VEPH1: variants seen among roughly 807,000 people sequenced by gnomAD.
The protein encoded by VEPH1 is ventricular zone-expressed PH domain-containing protein homolog 1.
In VEPH1, 80 loss-of-function variants were observed where a neutral mutation model predicts 85.2. That is an observed-to-expected ratio of 0.94 (90% confidence interval 0.78 to 1.13). VEPH1 has a LOEUF of 1.13. Among genes scored for constraint, VEPH1 ranks in the 50% most tolerant of loss-of-function variants. The pLI is 0.00. For synonymous variants in VEPH1, 297 were observed against 348.0 expected (o/e 0.85, Z 1.63); for missense variants, 955 against 980.5 (o/e 0.97, Z 0.35).
At chr3:157,459,866 A>G in intron 4 of VEPH1, 1 of 1,537,068 alleles carries the variant, frequency 6.5e-7, no homozygotes, top group Non-Finnish European at 8.7e-7. Flanking sequence ...ACACAGAGAT[A>G]AGATCTCCAC....
intron 7 of VEPH1, among the ~76,000 whole-genome samples, chr3:157,379,887 A>G (rs1235158199): frequency 1.3e-5 from 2 of 152,172 alleles, no homozygotes; most frequent in Non-Finnish European, 2.9e-5. Context: ...TTCTTCTTCT[A>G]TAAAGTAGGA....
At chr3:157,380,584 TC>T (rs1728648647) in intron 7 of VEPH1, among the ~76,000 whole-genome samples, 1 of 152,186 alleles carries the variant, frequency 6.6e-6, no homozygotes, top group African/African-American at 2.4e-5. Flanking sequence ...GTTCAAAATA[TC>T]ACCTCTTCAG....
At chr3:157,441,788 T>A (rs1734139762) in intron 4 of VEPH1, among the ~76,000 whole-genome samples, 1 of 149,690 alleles carries the variant, frequency 6.7e-6, no homozygotes, top group Non-Finnish European at 1.5e-5. Context: ...CCAGCCTGGG[T>A]GACAGAGTGA....
At chr3:157,353,402 C>T (rs947985851) in intron 9 of VEPH1, among the ~76,000 whole-genome samples, 2 of 151,964 alleles carry the variant, frequency 1.3e-5, no homozygotes, top group Non-Finnish European at 2.9e-5. Flanking sequence ...TGAGAAGCTG[C>T]GACCAGAGGC....
chr3:157,477,601 C>T (rs1230094378), intron 2 of VEPH1, among the ~76,000 whole-genome samples: 1 of 151,990 alleles, frequency 6.6e-6, no homozygotes, highest in Non-Finnish European at 1.5e-5. Context: ...TCTTTTTTAT[C>T]CCATGTTAAT....
chr3:157,392,115 C>G (rs552322860), intron 6 of VEPH1, among the ~76,000 whole-genome samples: 1 of 152,234 alleles, frequency 6.6e-6, no homozygotes, highest in African/African-American at 2.4e-5. Context: ...ATGATACCTG[C>G]TAAATAATAA....
At chr3:157,367,180 T>C (rs1726802796) in intron 7 of VEPH1, among the ~76,000 whole-genome samples, 1 of 152,218 alleles carries the variant, frequency 6.6e-6, no homozygotes, top group Non-Finnish European at 1.5e-5. Context: ...ACTCATACCA[T>C]GCATAAATAA....
chr3:157,270,599 G>C (rs1048439843), intron 12 of VEPH1, among the ~76,000 whole-genome samples: 1 of 152,148 alleles, frequency 6.6e-6, no homozygotes, highest in East Asian at 1.9e-4. Context: ...TGATGAGTAA[G>C]TATAATAATA....
chr3:157,436,830 A>G, intron 4 of VEPH1: 1 of 1,329,914 alleles, frequency 7.5e-7, no homozygotes, highest in South Asian at 1.4e-5. Flanking sequence ...TTTATTAAGG[A>G]CTCTCTGCTC....
At chr3:157,413,507 A>T (rs1731676325) in intron 6 of VEPH1, 7 of 985,358 alleles carry the variant, frequency 7.1e-6, no homozygotes, top group Non-Finnish European at 8.4e-6. Context: ...CAGCTCTTTT[A>T]TTGGTTGTTG....
intron 9 of VEPH1, among the ~76,000 whole-genome samples, chr3:157,347,067 C>T (rs1165147708): frequency 6.6e-6 from 1 of 152,068 alleles, no homozygotes; most frequent in East Asian, 1.9e-4. Flanking sequence ...ATTCAATGTA[C>T]ATTTGATACT....
chr3:157,322,680 C>T (rs573337902), intron 9 of VEPH1, among the ~76,000 whole-genome samples: 11 of 152,272 alleles, frequency 7.2e-5, no homozygotes, highest in Middle Eastern at 3.4e-3. Flanking sequence ...TTGGCACTCA[C>T]GACAAGCTAG....
intron 11 of VEPH1, among the ~76,000 whole-genome samples, chr3:157,307,285 C>G (rs933850634): frequency 5.9e-5 from 9 of 151,798 alleles, no homozygotes; most frequent in Non-Finnish European, 1.3e-4. Context: ...AACATTCCCA[C>G]TTTTTCACAT....
chr3:157,472,920 T>C lies in VEPH1; in HGVS notation c.139-2391A>G, dbSNP rs574556772. On this transcript the variant is annotated intron_variant, in intron 2 of 13. Coordinates refer to ENST00000362010, the MANE Select transcript of VEPH1 (RefSeq NM_001167912.2). The stretch of plus-strand genomic sequence containing the variant: ...TTTTCTTTATCCAGTGTACCATTGA[T>C]GGGCATTTAGGTTGACTCCATGTCT... Among the ~76,000 whole-genome samples the C allele has an allele frequency of 2.0e-3, 306 of 152,290 alleles. 1 individual carries two copies. Among genetic ancestry groups the C allele is most frequent in the Non-Finnish European group, 3.5e-3 (237 of 68,014 alleles).
intron 7 of VEPH1, 111 bp downstream of exon 7, chr3:157,381,045 G>T: frequency 9.3e-7 from 1 of 1,072,130 alleles, no homozygotes; most frequent in Non-Finnish European, 1.4e-6. Context: ...ATTATTCTCT[G>T]TTGAGATACA....
chr3:157,416,735 T>C, intron 5 of VEPH1, among the ~76,000 whole-genome samples: 1 of 150,262 alleles, frequency 6.7e-6, no homozygotes, highest in East Asian at 2.0e-4. Flanking sequence ...TTAGCTGTTG[T>C]CCTGTAAAGA....
chr3:157,319,158 A>C (rs1420803557), intron 9 of VEPH1, among the ~76,000 whole-genome samples: 1 of 151,700 alleles, frequency 6.6e-6, no homozygotes, highest in Non-Finnish European at 1.5e-5. Context: ...AATGTTAATA[A>C]TTAATAGCTT....
intron 6 of VEPH1, among the ~76,000 whole-genome samples, chr3:157,408,505 G>A (rs942353657): frequency 2.0e-5 from 3 of 152,080 alleles, no homozygotes; most frequent in Non-Finnish European, 4.4e-5. Flanking sequence ...TCAGTCTTAT[G>A]GCCACAGATG....
chr3:157,286,740 T>G, intron 11 of VEPH1, 66 bp from the exon 12 acceptor site: 1 of 1,279,906 alleles, frequency 7.8e-7, no homozygotes, highest in South Asian at 1.2e-5. Flanking sequence ...ATTCTGAGAC[T>G]GGGAGAAGGG....
Sources: gnomAD v4.1 joint callset for allele counts (sites outside exome capture counted in the v4.1 genomes callset) on GRCh38, gnomAD v4.1.1 for gene constraint, MANE v1.5 for transcripts, NCBI Gene and HGNC (gene_info 2026-07-23, HGNC 2026-07-21) for gene names.